The following FAAH2 variants were observed in gnomAD, a reference collection of about 807,000 sequenced individuals.
FAAH2 encodes fatty-acid amide hydrolase 2.
A neutral mutation model predicts 36.9 loss-of-function variants in FAAH2; 60 were observed. The ratio of observed to expected loss-of-function variants is 1.63; its 90% CI spans 1.32 to 2.02. FAAH2 has a LOEUF of 2.02. FAAH2 is among the 30% of genes most tolerant of loss of function. FAAH2 has a pLI of 0.00. For synonymous variants in FAAH2, 214 were observed against 143.8 expected, an observed-to-expected ratio of 1.49 and a Z score of -3.49; for missense variants, 689 against 397.5, an observed-to-expected ratio of 1.73 and a Z score of -6.23.
chrX:57,321,097 G>T (rs774105564), intron 3 of FAAH2, among the ~76,000 whole-genome samples: 2 of 109,201 alleles, frequency 1.8e-5, no homozygotes, highest in Admixed American at 2.0e-4. Context: ...CCCAGATGGT[G>T]CCACTGCACT....
chrX:57,419,662 G>T (rs1344274993), intron 7 of FAAH2, among the ~76,000 whole-genome samples: 1 of 111,689 alleles, frequency 9.0e-6, no homozygotes, highest in Non-Finnish European at 1.9e-5. Flanking sequence ...CTCCCAATTT[G>T]TAGGTTGCCT....
intron 10 of FAAH2, among the ~76,000 whole-genome samples, chrX:57,451,197 G>T (rs2056777538): frequency 9.0e-6 from 1 of 111,562 alleles, no homozygotes; most frequent in African/African-American, 3.3e-5. Context: ...ACAGGAGGCT[G>T]AACAGGGTCT....
the FAAH2 span, among the ~76,000 whole-genome samples, chrX:57,131,408 T>C: frequency 8.9e-6 from 1 of 111,924 alleles, no homozygotes; most frequent in African/African-American, 3.2e-5. Context: ...TTGGACAGAA[T>C]AGGCACTCTA....
chrX:57,420,980 A>T (rs1490587755), intron 7 of FAAH2, among the ~76,000 whole-genome samples: 1 of 112,406 alleles, frequency 8.9e-6, no homozygotes. Flanking sequence ...TGAGATAATT[A>T]TGTGGTTTTT....
At chrX:57,443,895 C>A (rs756494292) in intron 8 of FAAH2, among the ~76,000 whole-genome samples, 8 of 112,111 alleles carry the variant, frequency 7.1e-5, no homozygotes, top group African/African-American at 2.3e-4. Flanking sequence ...CTCTGTTTGC[C>A]TGGGTATCAC....
chrX:57,140,598 CAAA>C, the FAAH2 span, among the ~76,000 whole-genome samples: 10,068 of 58,789 alleles, frequency 0.17, 1,445 homozygotes, highest in African/African-American at 0.44. Context: ...GACCCCGTCT[CAAA>C]AAAAAAAAAA....
chrX:57,208,945 G>A, the FAAH2 span, among the ~76,000 whole-genome samples: 1 of 111,914 alleles, frequency 8.9e-6, no homozygotes, highest in East Asian at 2.8e-4. Context: ...ACAACCTTCA[G>A]CGTGGGTGTC....
chrX:57,399,761 G>A (rs1258586482), intron 7 of FAAH2, among the ~76,000 whole-genome samples: 1 of 111,992 alleles, frequency 8.9e-6, no homozygotes, highest in East Asian at 2.8e-4. Context: ...CCATATTGCT[G>A]CATGGGCATG....
intron 7 of FAAH2, among the ~76,000 whole-genome samples, chrX:57,390,807 T>C (rs900828395): frequency 2.7e-5 from 3 of 111,651 alleles, no homozygotes; most frequent in Non-Finnish European, 5.7e-5. Flanking sequence ...AGGTGTCTTT[T>C]TGATATAATA....
At chrX:57,395,332 C>G (rs1457977136) in intron 7 of FAAH2, 3 of 673,661 alleles carry the variant, frequency 4.5e-6, no homozygotes, top group Non-Finnish European at 4.8e-6. Flanking sequence ...TGTCCTTCAA[C>G]TGAGTGACTT....
chrX:57,250,345 A>T, the FAAH2 span, among the ~76,000 whole-genome samples: 1 of 111,916 alleles, frequency 8.9e-6, no homozygotes, highest in African/African-American at 3.2e-5. Flanking sequence ...TGGCATCAGT[A>T]AGAATAAAAT....
chrX:57,362,862 CT>C (rs926965103), intron 5 of FAAH2, among the ~76,000 whole-genome samples: 1 of 111,743 alleles, frequency 8.9e-6, no homozygotes, highest in African/African-American at 3.2e-5. Flanking sequence ...TTATTGTCAA[CT>C]TTGTGGAAGA....
chrX:57,420,511 G>T (rs1031939478), intron 7 of FAAH2, among the ~76,000 whole-genome samples: 3 of 110,999 alleles, frequency 2.7e-5, no homozygotes, highest in East Asian at 5.6e-4. Flanking sequence ...TGATGATTTG[G>T]CTCTCTGTTT....
At chrX:57,194,771 G>C in the FAAH2 span, among the ~76,000 whole-genome samples, 1 of 110,486 alleles carries the variant, frequency 9.1e-6, no homozygotes, top group African/African-American at 3.3e-5. Context: ...AAAGTCTATT[G>C]TGTCATTCTT....
intron 10 of FAAH2, among the ~76,000 whole-genome samples, chrX:57,483,605 T>C (rs766779103): frequency 4.5e-5 from 5 of 110,187 alleles, no homozygotes; most frequent in Non-Finnish European, 9.4e-5. Context: ...GCCAGATTTC[T>C]TATGCCGAGT....
chrX:57,483,778 C>CTT (rs755609992), intron 10 of FAAH2, among the ~76,000 whole-genome samples: 4 of 38,884 alleles, frequency 1.0e-4, no homozygotes, highest in African/African-American at 4.1e-4. Flanking sequence ...CTGGGGGCAA[C>CTT]TTTTTTTTTT....
At chrX:57,282,764 C>T (rs1214882101), upstream of FAAH2, among the ~76,000 whole-genome samples, 2 of 111,975 alleles carry the variant, frequency 1.8e-5, no homozygotes, top group African/African-American at 6.5e-5. Flanking sequence ...TACGCTCTTG[C>T]TTAGCCATGT....
chrX:57,440,639 T>C lies in FAAH2; in HGVS notation c.1117-6289T>C, dbSNP rs56360292. Among the ~76,000 whole-genome samples the C allele has an allele frequency of 6.3e-3, 703 of 111,959 alleles. 2 individuals are homozygous for C. The highest frequency in any genetic ancestry group is 0.022 in the African/African-American group (677 of 30,797). ...CCTAAAGAGAACTTCCAACACTATG[T>C]TGAATAAGAGTGGTGAGAGAGGGCA... On this transcript the variant is annotated intron_variant, in intron 8 of 10. Transcript: ENST00000374900.
At chrX:57,217,850 G>T in the FAAH2 span, among the ~76,000 whole-genome samples, 3 of 111,826 alleles carry the variant, frequency 2.7e-5, no homozygotes, top group Non-Finnish European at 3.8e-5. Flanking sequence ...AGATTGCATT[G>T]AATTTGTAGA....
Sources: gnomAD v4.1 joint callset for allele counts (sites outside exome capture counted in the v4.1 genomes callset) on GRCh38, gnomAD v4.1.1 for gene constraint, MANE v1.5 for transcripts, NCBI Gene and HGNC (gene_info 2026-07-23, HGNC 2026-07-21) for gene names.